The following RTCB variants were observed in gnomAD, a reference collection of about 807,000 sequenced individuals.
RTCB encodes RNA 2',3'-cyclic phosphate and 5'-OH ligase.
RTCB carries 32 observed loss-of-function variants against 58.2 expected under a neutral mutation model. The ratio of observed to expected loss-of-function variants is 0.55; its 90% CI spans 0.41 to 0.74. RTCB has a LOEUF of 0.74. Among genes scored for constraint, RTCB ranks in the 30% least tolerant of loss-of-function variants. The pLI is 0.00. For missense variants in RTCB, 523 were observed against 639.0 expected (o/e 0.82, Z 1.96); for synonymous variants, 247 against 218.6 (o/e 1.13, Z -1.15).
intron 4 of RTCB, among the ~76,000 whole-genome samples, chr22:32,402,841 C>G (rs546228841): frequency 2.6e-5 from 4 of 152,216 alleles, no homozygotes; most frequent in African/African-American, 9.6e-5. Flanking sequence ...GACTTCCCGG[C>G]TCCAGCAATC....
intron 6 of RTCB, among the ~76,000 whole-genome samples, chr22:32,398,733 T>G (rs1601427248): frequency 6.6e-6 from 1 of 152,350 alleles, no homozygotes; most frequent in East Asian, 1.9e-4. Context: ...ATGTTGACTC[T>G]TAGACAAGGT....
intron 11 of RTCB, 107 bp from the exon 12 acceptor site, chr22:32,388,206 G>C (rs1221899692): frequency 4.2e-5 from 28 of 658,860 alleles, no homozygotes; most frequent in Non-Finnish European, 6.9e-5. Flanking sequence ...ATAATACAGA[G>C]AGTTTTTTTT....
At chr22:32,407,023 A>G (rs1190602224) in intron 3 of RTCB, among the ~76,000 whole-genome samples, 1 of 152,212 alleles carries the variant, frequency 6.6e-6, no homozygotes, top group African/African-American at 2.4e-5. Context: ...AAATAACATG[A>G]TATAGGAGTA....
chr22:32,405,483 C>G (rs768779114), intron 4 of RTCB, among the ~76,000 whole-genome samples: 10 of 152,084 alleles, frequency 6.6e-5, no homozygotes, highest in Non-Finnish European at 1.0e-4. Flanking sequence ...AGTGCACATA[C>G]ACACACACAA....
At chr22:32,400,976 A>G (rs774523742) in intron 5 of RTCB, among the ~76,000 whole-genome samples, 7 of 152,158 alleles carry the variant, frequency 4.6e-5, no homozygotes, top group Admixed American at 1.3e-4. Flanking sequence ...CAGTGCTATC[A>G]TTCAAAGAGG....
chr22:32,399,369 C>T (rs908595323), intron 6 of RTCB, among the ~76,000 whole-genome samples: 6 of 151,786 alleles, frequency 4.0e-5, no homozygotes, highest in Admixed American at 6.6e-5. Flanking sequence ...GTCTCGAACT[C>T]CTGGCCTCAA....
In RTCB at chr22:32,403,009, T is replaced by C. The variant is rs376609009; in HGVS notation, c.341-1106A>G. On this transcript the variant is annotated intron_variant, in intron 4 of 11. Transcript: ENST00000216038. ...ATCCTCCTGCCTCGGCCTCCCAAGA[T>C]GCTGGAATTATAGGTATGAGCCACC... 2.2e-4 allele frequency among the ~76,000 whole-genome samples: 34 copies of C among 152,240 alleles called. No individual in the cohort carries two copies. In the East Asian group the frequency reaches 2.5e-3, roughly 11 times the overall value.
intron 4 of RTCB, among the ~76,000 whole-genome samples, chr22:32,404,127 G>T (rs1389626999): frequency 6.6e-6 from 1 of 152,104 alleles, no homozygotes. Flanking sequence ...AACATGGGAG[G>T]GCAGGTATCT....
At chr22:32,392,641 C>A in intron 10 of RTCB, 1 of 493,496 alleles carries the variant, frequency 2.0e-6, no homozygotes, top group South Asian at 2.3e-5. Flanking sequence ...TCCCACTAAA[C>A]CATGACAATA....
Position 32,396,205 on chromosome 22 carries a change from T to C in RTCB, c.859A>G (p.Ile287Val), listed in dbSNP as rs113907276. The change falls in exon 8 of 12, where the codon ATA becomes GTA. Residue 287 changes from isoleucine (I) to valine (V), a missense_variant. By Grantham distance (29) the Ile-to-Val change is conservative. This residue lies in a region of RTCB where 248 missense variants were observed against 292.5 expected (regional missense o/e 0.85). Coordinates refer to ENST00000216038, the MANE Select transcript of RTCB (RefSeq NM_014306.5). The stretch of plus-strand genomic sequence containing the variant: ...CAAGCCAACTGCCGATCATTGACTA[T>C]AATCTTGTCTCTCTTCATGGCCTTC... ...MEKAMKRDKI[I>V]VNDRQLACAR... 9.0e-4 allele frequency: 1,452 copies of C among 1,614,230 alleles called. 2 individuals carry two copies. The highest frequency in any genetic ancestry group is 1.2e-3 in the Non-Finnish European group (1,360 of 1,180,038).
At position 32,392,413 on chromosome 22, in the gene RTCB, T is replaced by C. The variant is rs543039600; in HGVS notation, c.1291-54A>G. The C allele has an allele frequency of 1.5e-5, 24 of 1,610,892 alleles. No individual in the cohort carries two copies. The South Asian group carries it at 2.5e-4, about 17-fold the overall frequency. ...TTAAACCCTAAGATGATAAGCCCTT[T>C]CCCTGATTTTCTCTCACACTAAAAA... is the stretch of plus-strand genomic sequence containing the variant. On this transcript the variant is annotated intron_variant, in intron 10 of 11. Transcript: ENST00000216038.
At chr22:32,397,567 G>A (rs1933267108) in intron 7 of RTCB, among the ~76,000 whole-genome samples, 1 of 152,094 alleles carries the variant, frequency 6.6e-6, no homozygotes, top group Admixed American at 6.5e-5. Flanking sequence ...GCAGGTATAT[G>A]ATACATAATC....
At chr22:32,392,638 A>G in intron 10 of RTCB, 1 of 498,316 alleles carries the variant, frequency 2.0e-6, no homozygotes, top group Non-Finnish European at 3.6e-6. Context: ...AACTCCCACT[A>G]AACCATGACA....
At chr22:32,411,196 G>A (rs1569443854) in intron 1 of RTCB, among the ~76,000 whole-genome samples, 1 of 152,188 alleles carries the variant, frequency 6.6e-6, no homozygotes, top group South Asian at 2.1e-4. Context: ...ATTGGGAGCT[G>A]TTTACCAAGA....
At chr22:32,403,462 C>T (rs995941989) in intron 4 of RTCB, among the ~76,000 whole-genome samples, 4 of 152,044 alleles carry the variant, frequency 2.6e-5, no homozygotes, top group African/African-American at 9.7e-5. Flanking sequence ...TGTACATTTA[C>T]ATTGTGAAGT....
intron 3 of RTCB, chr22:32,407,384 T>C (rs1251909051): frequency 1.3e-5 from 2 of 153,020 alleles, no homozygotes; most frequent in African/African-American, 2.4e-5. Context: ...GTCTGCCGAA[T>C]AGATCCATTT....
intron 8 of RTCB, 66 bp downstream of exon 8, chr22:32,396,008 A>G (rs539001089): frequency 3.9e-6 from 6 of 1,530,110 alleles, no homozygotes; most frequent in South Asian, 2.4e-5. Context: ...CCTGGACTGC[A>G]CTATGTTTTA....
At chr22:32,388,733 C>T (rs2145887361) in intron 11 of RTCB, among the ~76,000 whole-genome samples, 1 of 152,282 alleles carries the variant, frequency 6.6e-6, no homozygotes, top group Middle Eastern at 3.4e-3. Flanking sequence ...TATCTTCATT[C>T]CTGTCAATAC....
In RTCB at chr22:32,408,807, A is replaced by G. The variant is rs752674992; in HGVS notation, c.120T>C (p.Asp40=). ...MQVEGVFYVN[D]ALEKLMFEEL... ...CCTCAAACATCAATTTCTCCAGAGC[A>G]TCATTCACATAGAAAACACCTTCAA... The change falls in exon 2 of 12, where the codon GAT becomes GAC. Residue 40 remains aspartate, a synonymous_variant. Coordinates refer to ENST00000216038, the MANE Select transcript of RTCB (RefSeq NM_014306.5). 57 of 1,613,904 alleles carry G rather than the reference A, an allele frequency of 3.5e-5. No individual in the cohort carries two copies. Among genetic ancestry groups the G allele is most frequent in the Middle Eastern group, 1.6e-4 (1 of 6,084 alleles).
Sources: allele counts gnomAD v4.1 joint callset (sites outside exome capture counted in the v4.1 genomes callset), GRCh38; gene constraint gnomAD v4.1.1; regional missense constraint gnomAD v4.1.1; transcripts MANE v1.5; gene names NCBI Gene and HGNC (gene_info 2026-07-23, HGNC 2026-07-21).